The following UGGT1 variants were observed in gnomAD, a reference collection of about 807,000 sequenced individuals.
The protein encoded by UGGT1 is UDP-glucose:glycoprotein glucosyltransferase 1.
UGGT1 carries 107 observed loss-of-function variants against 203.9 expected under a neutral mutation model. The observed-to-expected ratio is 0.52, with a 90% CI of 0.45 to 0.62. UGGT1 has a LOEUF of 0.62. Ranked by LOEUF, UGGT1 falls within the 20% of genes least tolerant of loss-of-function variation. The pLI is 0.00. For missense variants in UGGT1, 1,673 were observed against 1,867.2 expected (o/e 0.90, Z 1.92); for synonymous variants, 628 against 653.5 (o/e 0.96, Z 0.59).
chr2:128,161,152 G>A lies in UGGT1; in HGVS notation c.2709G>A (p.Leu903=). 1 of 1,613,912 alleles carries A rather than the reference G, an allele frequency of 6.2e-7. No individual in the cohort carries two copies. The highest frequency in any genetic ancestry group is 8.5e-7 in the Non-Finnish European group (1 of 1,179,940). ...VISNGRIIGP[L]EDSELFNQDD... ...CTCCTTCACAGATCATTGGGCCACT[G>A]GAGGATAGTGAGCTCTTTAATCAAG... The change falls in exon 25 of 41, where the codon CTG becomes CTA. Residue 903 remains leucine, a synonymous_variant. Coordinates refer to ENST00000259253, the MANE Select transcript of UGGT1 (RefSeq NM_020120.4).
At chr2:128,155,353 A>T (rs1331568718) in intron 19 of UGGT1, 136 bp from the exon 20 acceptor site, 3 of 640,680 alleles carry the variant, frequency 4.7e-6, no homozygotes, top group Admixed American at 6.3e-5. Context: ...GAAGTTGTTC[A>T]GTAAACATGG....
chr2:128,127,731 G>T (rs1037018126), intron 12 of UGGT1, among the ~76,000 whole-genome samples: 4 of 152,124 alleles, frequency 2.6e-5, no homozygotes, highest in African/African-American at 9.7e-5. Context: ...ACATAGAAAA[G>T]AACAGGTTCT....
chr2:128,114,173 A>G (rs1163295419), intron 6 of UGGT1, among the ~76,000 whole-genome samples: 3 of 152,156 alleles, frequency 2.0e-5, no homozygotes, highest in African/African-American at 2.4e-5. Flanking sequence ...GCTGGAGCAC[A>G]GTGGCGCGAT....
chr2:128,095,450 T>C (rs1360225402), intron 1 of UGGT1, among the ~76,000 whole-genome samples: 2 of 144,620 alleles, frequency 1.4e-5, no homozygotes, highest in Non-Finnish European at 3.0e-5. Context: ...TCCTCCTTCT[T>C]TCTTCTTTCT....
intron 13 of UGGT1, among the ~76,000 whole-genome samples, chr2:128,131,845 T>C (rs1316815938): frequency 2.0e-5 from 3 of 152,152 alleles, no homozygotes; most frequent in Non-Finnish European, 4.4e-5. Flanking sequence ...GCCAGGATGG[T>C]CTCAATCTCT....
At position 128,157,361 on chromosome 2, in the gene UGGT1, C is replaced by T. The variant is rs1223365343; in HGVS notation, c.2355+15C>T. 3 of 1,606,206 alleles carry T rather than the reference C, an allele frequency of 1.9e-6. No individual in the cohort carries two copies. Among genetic ancestry groups the T allele is most frequent in the Non-Finnish European group, 1.7e-6 (2 of 1,173,362 alleles). On this transcript the variant is annotated intron_variant, in intron 22 of 40. Transcript: ENST00000259253. ...TCAAACATCAGGCAAGTATCTATGA[C>T]TTCATTTTATATTTTTGTTTGTGGC... is the stretch of plus-strand genomic sequence containing the variant.
chr2:128,116,320 G>T lies in UGGT1; in HGVS notation c.849G>T (p.Gln283His). 6.2e-7 allele frequency: 1 copy of T among 1,611,830 alleles called. No homozygotes were observed. The highest frequency in any genetic ancestry group is 1.1e-5 in the South Asian group (1 of 91,004). The change falls in exon 8 of 41, where the codon CAG (glutamine) becomes CAT (histidine). Residue 283 changes from glutamine to histidine, a missense_variant. Physicochemically the swap from Gln to His is conservative, Grantham distance 24. Around this residue, in one of 4 missense-constraint regions of UGGT1, gnomAD observed 1,073 missense variants for 1,078.7 expected, o/e 0.99. Transcript: ENST00000259253. ...IGENDPIDEV[Q>H]GFLFGKLRDL... ...AAAATGATCCTATTGATGAGGTTCA[G>T]GGGTTCCTCTTTGGAAAATTAAGGT...
rs1472068471 is a variant in UGGT1, at chr2:128,193,820, A to G, written c.*4078A>G. ...TTCCTCCCCCGCCCTCCGGAAGTAT[A>G]TTTAGATACTTGAAAGCAGTCCTTT... On this transcript the variant is annotated 3_prime_UTR_variant, in exon 41 of 41. Coordinates refer to ENST00000259253, the MANE Select transcript of UGGT1 (RefSeq NM_020120.4). 1 of 152,208 alleles carries G rather than the reference A, an allele frequency of 6.6e-6. No individual in the cohort carries two copies. The highest frequency in any genetic ancestry group is 1.5e-5 in the Non-Finnish European group (1 of 68,066). The allele number at this position is 152,208 out of a possible 1,614,324, so 9.4% of individuals were successfully genotyped here. A position where few individuals can be genotyped will look rare whatever the true frequency, so the allele number is the denominator to read the frequency against.
chr2:128,145,725 T>C (rs750187586), intron 17 of UGGT1, 78 bp from the exon 18 acceptor site: 5 of 1,283,740 alleles, frequency 3.9e-6, no homozygotes, highest in African/African-American at 1.5e-5. Flanking sequence ...AGAACAGGCA[T>C]GTAAGAAAAA....
At position 128,178,572 on chromosome 2, in the gene UGGT1, C is replaced by A; in HGVS notation, c.3815+3C>A. 6.2e-7 allele frequency: 1 copy of A among 1,603,280 alleles called. No homozygotes were observed. The highest frequency in any genetic ancestry group is 1.1e-5 in the South Asian group (1 of 90,104). ...CATCTCTACGAAAGATTTCTTCGGT[C>A]AGTCTTGTTGATTATTTCATTATAT... On this transcript the variant is annotated splice_donor_region_variant and intron_variant, in intron 34 of 40. Transcript: ENST00000259253.
chr2:128,106,784 G>A (rs937307520), intron 3 of UGGT1, among the ~76,000 whole-genome samples: 1 of 151,792 alleles, frequency 6.6e-6, no homozygotes, highest in Non-Finnish European at 1.5e-5. Flanking sequence ...TCCTGACCTC[G>A]GGTGATCCAC....
rs749545483 is a variant in UGGT1 at position 128,129,174 on chromosome 2, A to G, written c.1372A>G (p.Ile458Val). 31 of 1,607,488 alleles carry G rather than the reference A, an allele frequency of 1.9e-5. No individual in the cohort carries two copies. Among genetic ancestry groups the G allele is most frequent in the Non-Finnish European group, 2.5e-5 (30 of 1,178,526 alleles). ...DYAVDIRSPA[I>V]SWVNNLEVDS... is the part of the protein sequence containing the mutation. ...TGCCGTAGACATCCGGAGTCCTGCT[A>G]TTTCAGTGAGTATTTTGTTAGGGTG... The change falls in exon 13 of 41, where the codon ATT (isoleucine) becomes GTT (valine). Residue 458 changes from isoleucine (I) to valine (V), a missense_variant. Coordinates refer to ENST00000259253, the MANE Select transcript of UGGT1 (RefSeq NM_020120.4).
At chr2:128,148,726 A>G (rs1053673177) in intron 18 of UGGT1, among the ~76,000 whole-genome samples, 8 of 152,148 alleles carry the variant, frequency 5.3e-5, no homozygotes, top group African/African-American at 1.7e-4. Flanking sequence ...GAGCTTTTCA[A>G]AGTCCCTTAT....
intron 13 of UGGT1, among the ~76,000 whole-genome samples, chr2:128,131,379 C>T (rs1385593831): frequency 6.6e-6 from 1 of 152,130 alleles, no homozygotes; most frequent in Admixed American, 6.6e-5. Flanking sequence ...CATGGTGAAA[C>T]CCTGCTGGAA....
At chr2:128,166,576 T>TG (rs1195233995) in intron 26 of UGGT1, among the ~76,000 whole-genome samples, 1 of 152,250 alleles carries the variant, frequency 6.6e-6, no homozygotes, top group Non-Finnish European at 1.5e-5. Flanking sequence ...TGTGTCTCTT[T>TG]GGTCTCCTTT....
Position 128,133,261 on chromosome 2 carries a change from G to T in UGGT1, c.1497+1G>T, listed in dbSNP as rs747775471. Reference sequence around the variant, plus strand: ...GATCAGGAAAAACTTACATAATATGGTAAGTAAAACTTATTGTCTGGCTGT... The same window carrying T: ...GATCAGGAAAAACTTACATAATATGTTAAGTAAAACTTATTGTCTGGCTGT... On this transcript the variant is annotated splice_donor_variant, in intron 14 of 40. Transcript: ENST00000259253. LOFTEE classifies it high-confidence loss of function. The T allele has an allele frequency of 1.9e-6, 3 of 1,612,614 alleles. No individual in the cohort carries two copies. Among genetic ancestry groups the T allele is most frequent in the Non-Finnish European group, 2.5e-6 (3 of 1,179,400 alleles).
At chr2:128,134,738 G>T (rs1410161248) in intron 14 of UGGT1, 138 bp from the exon 15 acceptor site, 20 of 683,578 alleles carry the variant, frequency 2.9e-5, no homozygotes, top group African/African-American at 8.9e-5. Context: ...GCTGCTATGT[G>T]TGTAATTCAT....
chr2:128,108,475 A>C (rs1281624883), intron 4 of UGGT1, among the ~76,000 whole-genome samples: 5 of 152,170 alleles, frequency 3.3e-5, no homozygotes, highest in Non-Finnish European at 7.4e-5. Flanking sequence ...GTAGTAAAGT[A>C]ATCTAGTTTC....
chr2:128,098,839 A>ACAG (rs1687235311), intron 2 of UGGT1, among the ~76,000 whole-genome samples: 1 of 26,094 alleles, frequency 3.8e-5, no homozygotes, highest in African/African-American at 5.8e-5. Flanking sequence ...TTAGTGAAAC[A>ACAG]TAGTAATTTC....
Sources: allele counts gnomAD v4.1 joint callset (sites outside exome capture counted in the v4.1 genomes callset), GRCh38; gene constraint gnomAD v4.1.1; regional missense constraint gnomAD v4.1.1; transcripts MANE v1.5; gene names NCBI Gene and HGNC (gene_info 2026-07-23, HGNC 2026-07-21).